PXDN: variants seen among roughly 807,000 people sequenced by gnomAD.
The protein encoded by PXDN is peroxidasin homolog.
In PXDN, 77 loss-of-function variants were observed where a neutral mutation model predicts 140.3. That is an observed-to-expected ratio of 0.55 (90% confidence interval 0.46 to 0.66). The LOEUF is 0.66. Ranked by LOEUF, PXDN falls within the 30% of genes least tolerant of loss-of-function variation. The pLI is 0.00. For synonymous variants in PXDN, 911 were observed against 857.4 expected (o/e 1.06, Z -1.09); for missense variants, 1,838 against 2,039.5 (o/e 0.90, Z 1.90).
intron 19 of PXDN, among the ~76,000 whole-genome samples, chr2:1,643,033 G>A (rs1483943124): frequency 6.6e-6 from 1 of 152,096 alleles, no homozygotes; most frequent in African/African-American, 2.4e-5. Flanking sequence ...CTTTTATCTG[G>A]CTACACAAGT....
chr2:1,683,229 A>C (rs1683956439), intron 6 of PXDN, among the ~76,000 whole-genome samples: 1 of 150,400 alleles, frequency 6.6e-6, no homozygotes, highest in Admixed American at 6.7e-5. Context: ...AAAAGAAAAA[A>C]AGAAAGAAAA....
At chr2:1,733,529 G>T (rs1426983525) in intron 1 of PXDN, among the ~76,000 whole-genome samples, 1 of 152,106 alleles carries the variant, frequency 6.6e-6, no homozygotes, top group African/African-American at 2.4e-5. Flanking sequence ...ATCACCTGTA[G>T]TCAGGAGTTC....
rs563980475 is a variant in PXDN, at chr2:1,660,788, C to G, written c.1837+93G>C. 2.4e-4 allele frequency: 347 copies of G among 1,444,684 alleles called. 3 individuals are homozygous for G. In the South Asian group the frequency reaches 4.5e-3, roughly 19 times the overall value. The allele number at this position is 1,444,684 out of a possible 1,614,324, so 89.5% of individuals were successfully genotyped here. A position where few individuals can be genotyped will look rare whatever the true frequency, so the allele number is the denominator to read the frequency against. On this transcript the variant is annotated intron_variant, in intron 14 of 22. Coordinates refer to ENST00000252804, the MANE Select transcript of PXDN (RefSeq NM_012293.3). This position sits in a 1 kb window ranked among gnomAD's most constrained non-coding sequence, Gnocchi z 4.6. ...GCTTTGTCTTCTGAATAATTCTGAA[C>G]AGCCTAAGTCAACTGGCCTGGGACC... is the stretch of plus-strand genomic sequence containing the variant.
rs1682955060 is a variant in PXDN at position 1,649,382 on chromosome 2, T to C, written c.2398A>G (p.Thr800Ala). Residue 800 changes from threonine to alanine, a missense_variant, in exon 17 of 23, where the codon ACC (threonine) becomes GCC (alanine). Transcript: ENST00000252804. The surrounding 1 kb of genome is among the most constrained non-coding windows in gnomAD (Gnocchi z 7.1). Reference sequence around the variant, plus strand: ...ACGGTCTCCGTCCCGATCAGGGTGGTGGACACCAGGCGCGGCATGGGAAGG... The same window carrying C: ...ACGGTCTCCGTCCCGATCAGGGTGGCGGACACCAGGCGCGGCATGGGAAGG... Reference protein sequence around the residue: ...HALPMPRLVSTTLIGTETVTP... With the variant: ...HALPMPRLVSATLIGTETVTP... 4 of 1,613,796 alleles carry C rather than the reference T, an allele frequency of 2.5e-6. No homozygotes were observed. The highest frequency in any genetic ancestry group is 3.4e-6 in the Non-Finnish European group (4 of 1,179,846).
intron 9 of PXDN, among the ~76,000 whole-genome samples, chr2:1,668,440 A>G (rs1168152139): frequency 6.6e-6 from 1 of 152,246 alleles, no homozygotes; most frequent in African/African-American, 2.4e-5. Flanking sequence ...ACAAAAGCCA[A>G]AAGTGACAAA....
intron 1 of PXDN, among the ~76,000 whole-genome samples, chr2:1,743,748 A>G (rs1228108963): frequency 4.3e-5 from 3 of 69,892 alleles, no homozygotes; most frequent in South Asian, 5.6e-4. Context: ...GGAGGAGGGG[A>G]GCGAACAGGA....
chr2:1,737,638 C>T (rs1685452022), intron 1 of PXDN, among the ~76,000 whole-genome samples: 1 of 151,920 alleles, frequency 6.6e-6, no homozygotes, highest in Non-Finnish European at 1.5e-5. Context: ...CTCCCAGGTT[C>T]AAGCGATTCT....
chr2:1,720,323 T>G (rs987402975), intron 1 of PXDN, among the ~76,000 whole-genome samples: 50 of 21,138 alleles, frequency 2.4e-3, no homozygotes, highest in Admixed American at 4.6e-3. Flanking sequence ...GAGAGAGAGA[T>G]GCACAGAGAG....
chr2:1,740,627 C>A (rs1685522269), intron 1 of PXDN, among the ~76,000 whole-genome samples: 1 of 152,020 alleles, frequency 6.6e-6, no homozygotes, highest in African/African-American at 2.4e-5. Context: ...ACTGTGCGCC[C>A]TTTCCCCATA....
In PXDN at chr2:1,687,149, G is replaced by T. The variant is rs2125446705; in HGVS notation, c.416+483C>A. ...AACTAGAACTACAAGGGAAAGAAAG[G>T]TTTTCTCCAAAATAATGTCACCACA... On this transcript the variant is annotated intron_variant, in intron 4 of 22. Coordinates refer to ENST00000252804, the MANE Select transcript of PXDN (RefSeq NM_012293.3). This position sits in a 1 kb window ranked among gnomAD's most constrained non-coding sequence, Gnocchi z 4.0. Among the ~76,000 whole-genome samples the T allele has an allele frequency of 6.6e-6, 1 of 152,342 alleles. No individual in the cohort carries two copies. Among genetic ancestry groups the T allele is most frequent in the Admixed American group, 6.5e-5 (1 of 15,304 alleles).
chr2:1,656,929 GACAGAAA>G (rs1683152042), intron 14 of PXDN, among the ~76,000 whole-genome samples: 1 of 144,608 alleles, frequency 6.9e-6, no homozygotes, highest in African/African-American at 2.7e-5. Flanking sequence ...GTCCCCTCCT[GACAGAAA>G]CCTGTCCCCT....
chr2:1,660,969 G>A lies in PXDN; in HGVS notation c.1749C>T (p.Asp583=), dbSNP rs758682304. The A allele has an allele frequency of 1.2e-5, 20 of 1,613,896 alleles. No individual in the cohort carries two copies. Among genetic ancestry groups the A allele is most frequent in the African/African-American group, 6.7e-5 (5 of 74,920 alleles). ...AGCGACCTGCGTCTGCAGGGCCAAC[G>A]TCATTGATGGTCAAGAATCCTTCAG... is the stretch of plus-strand genomic sequence containing the variant. ...ISPEGFLTIN[D]VGPADAGRYE... is the part of the protein sequence containing the mutation. Residue 583 remains aspartate (D), a synonymous_variant, in exon 14 of 23, where the codon GAC becomes GAT. Coordinates refer to ENST00000252804, the MANE Select transcript of PXDN (RefSeq NM_012293.3). The surrounding 1 kb of genome is among the most constrained non-coding windows in gnomAD (Gnocchi z 4.6).
intron 1 of PXDN, among the ~76,000 whole-genome samples, chr2:1,717,074 A>T (rs1278413459): frequency 6.6e-6 from 1 of 152,174 alleles, no homozygotes; most frequent in Non-Finnish European, 1.5e-5. Flanking sequence ...AGGTCTGTAT[A>T]CTGATGGGAA....
At chr2:1,699,839 G>T (rs150276695) in intron 1 of PXDN, among the ~76,000 whole-genome samples, 1 of 152,276 alleles carries the variant, frequency 6.6e-6, no homozygotes, top group East Asian at 1.9e-4. Flanking sequence ...GAAAATTTCA[G>T]GTGAGAGCAT....
chr2:1,663,894 C>A, intron 11 of PXDN, 131 bp from the exon 12 acceptor site: 1 of 1,147,268 alleles, frequency 8.7e-7, no homozygotes, highest in Non-Finnish European at 1.2e-6. Flanking sequence ...CCTGGCCCTG[C>A]ATAAGCAAAT....
intron 1 of PXDN, among the ~76,000 whole-genome samples, chr2:1,732,839 T>G (rs1376156697): frequency 1.3e-5 from 2 of 152,242 alleles, no homozygotes; most frequent in Admixed American, 1.3e-4. Flanking sequence ...GATGTTAGAG[T>G]TAGCAGATTA....
intron 9 of PXDN, 124 bp from the exon 10 acceptor site, chr2:1,666,610 T>C: frequency 8.3e-7 from 1 of 1,210,654 alleles, no homozygotes; most frequent in Non-Finnish European, 1.1e-6. Context: ...AAACACAACG[T>C]AACTGCATAT....
chr2:1,711,321 C>T lies in PXDN; in HGVS notation c.201-18187G>A, dbSNP rs569180125. On this transcript the variant is annotated intron_variant, in intron 1 of 22. Coordinates refer to ENST00000252804, the MANE Select transcript of PXDN (RefSeq NM_012293.3). ...CACTCTCCACCAGCACCCGCTCCACCAGCACCCGCTCCACCAGCACCCACT... is the reference window on the plus strand; with the variant it reads ...CACTCTCCACCAGCACCCGCTCCACTAGCACCCGCTCCACCAGCACCCACT... Among the ~76,000 whole-genome samples the T allele has an allele frequency of 6.3e-5, 6 of 95,492 alleles. No homozygotes were observed. The East Asian group carries it at 1.6e-3, about 26-fold the overall frequency. The allele number at this position is 95,492 out of a possible 152,430, so 62.6% of individuals were successfully genotyped here.
At chr2:1,652,681 G>C (rs1683041487) in intron 16 of PXDN, among the ~76,000 whole-genome samples, 1 of 152,026 alleles carries the variant, frequency 6.6e-6, no homozygotes, top group Non-Finnish European at 1.5e-5. Flanking sequence ...TGGTGCCCAG[G>C]CTTCAGCACC....
Sources: allele counts gnomAD v4.1 joint callset (sites outside exome capture counted in the v4.1 genomes callset), GRCh38; gene constraint gnomAD v4.1.1; non-coding constraint Gnocchi (gnomAD v3.1); transcripts MANE v1.5; gene names NCBI Gene and HGNC (gene_info 2026-07-23, HGNC 2026-07-21).